PIGA: variants seen among roughly 807,000 people sequenced by gnomAD.
PIGA encodes phosphatidylinositol glycan anchor biosynthesis class A.
PIGA carries 3 observed loss-of-function variants against 17.1 expected under a neutral mutation model. The ratio of observed to expected loss-of-function variants is 0.18; its 90% CI spans 0.08 to 0.45. PIGA has a LOEUF of 0.45. Ranked by LOEUF, PIGA falls within the 20% of genes least tolerant of loss-of-function variation. The probability of loss-of-function intolerance (pLI) is 0.99; values close to 1 mark genes in which losing one functional copy is unlikely to be tolerated. For missense variants in PIGA, 231 were observed against 374.1 expected, an observed-to-expected ratio of 0.62 and a Z score of 3.16; for synonymous variants, 126 against 135.1, an observed-to-expected ratio of 0.93 and a Z score of 0.47.
chrX:15,324,909 C>A (rs757157320), intron 4 of PIGA, 38 bp from the exon 5 acceptor site: 14 of 1,155,409 alleles, frequency 1.2e-5, no homozygotes, highest in Non-Finnish European at 1.6e-5. Flanking sequence ...CCACCATAAT[C>A]ATACCTCAGG....
intron 2 of PIGA, among the ~76,000 whole-genome samples, chrX:15,329,213 T>C (rs1033302076): frequency 8.9e-6 from 1 of 112,454 alleles, no homozygotes; most frequent in Non-Finnish European, 1.9e-5. Flanking sequence ...TTGATGTCAG[T>C]TGTACTTGTT....
chrX:15,334,826 G>T (rs184415629), intron 1 of PIGA, among the ~76,000 whole-genome samples: 1 of 112,192 alleles, frequency 8.9e-6, no homozygotes, highest in Non-Finnish European at 1.9e-5. Flanking sequence ...CTGCACAATC[G>T]CAGAATCTTA....
chrX:15,325,068 A>G lies in PIGA; in HGVS notation c.933T>C (p.Thr311=), dbSNP rs1165291275. ...CCACGATCGCCATGCAGAATGCTTC[A>G]GTAAGGGAGGTATTCAGAAAAATAT... ...QGHIFLNTSL[T]EAFCMAIVEA... The change falls in exon 4 of 6, where the codon ACT becomes ACC. Residue 311 remains threonine (T), a synonymous_variant. Coordinates refer to ENST00000333590, the MANE Select transcript of PIGA (RefSeq NM_002641.4). 8 of 1,208,335 alleles carry G rather than the reference A, an allele frequency of 6.6e-6. No homozygotes were observed. Among genetic ancestry groups the G allele is most frequent in the Non-Finnish European group, 9.0e-6 (8 of 893,826 alleles).
At chrX:15,323,884 T>C (rs1223356541) in intron 5 of PIGA, among the ~76,000 whole-genome samples, 1 of 112,007 alleles carries the variant, frequency 8.9e-6, no homozygotes, top group Non-Finnish European at 1.9e-5. Context: ...TCACAATTTC[T>C]ACATACTAAG....
intron 5 of PIGA, 59 bp from the exon 6 acceptor site, chrX:15,321,831 T>A (rs759100730): frequency 9.7e-7 from 1 of 1,025,947 alleles, no homozygotes; most frequent in Non-Finnish European, 1.3e-6. Flanking sequence ...ACCTGTCCCA[T>A]GATAAACAAT....
intron 3 of PIGA, 196 bp downstream of exon 3, chrX:15,325,718 G>A: frequency 3.5e-6 from 1 of 289,293 alleles, no homozygotes. Context: ...TTGGGCTAAT[G>A]GAAAAAATAG....
chrX:15,335,133 G>A (rs1032361875), intron 1 of PIGA, among the ~76,000 whole-genome samples: 1 of 112,283 alleles, frequency 8.9e-6, no homozygotes, highest in Non-Finnish European at 1.9e-5. Flanking sequence ...CTGAGAGGTC[G>A]CTGGGGAAAC....
intron 3 of PIGA, 153 bp from the exon 4 acceptor site, chrX:15,325,305 C>A (rs1921938443): frequency 4.7e-6 from 2 of 428,898 alleles, no homozygotes; most frequent in Admixed American, 1.1e-4. Context: ...AAACACTGAT[C>A]TAATAGAAAC....
intron 2 of PIGA, chrX:15,328,815 G>C (rs1361471550): frequency 2.7e-5 from 3 of 111,737 alleles, no homozygotes; most frequent in Non-Finnish European, 5.6e-5. Flanking sequence ...GCTGATCCTT[G>C]ATCACACTTG....
chrX:15,325,654 T>C (rs2061763141), intron 3 of PIGA: 1 of 217,849 alleles, frequency 4.6e-6, no homozygotes, highest in Admixed American at 7.0e-5. Flanking sequence ...AAAGCAGCTG[T>C]TTTTTGTGCC....
intron 5 of PIGA, among the ~76,000 whole-genome samples, chrX:15,322,096 C>A (rs952064364): frequency 9.0e-6 from 1 of 111,473 alleles, no homozygotes; most frequent in Non-Finnish European, 1.9e-5. Context: ...TCCAAAGTCC[C>A]GCAAAGTCTG....
chrX:15,331,748 A>G lies in PIGA; in HGVS notation c.183T>C (p.Ile61=). ...CAATTATAACCTTATGCCCTCTTTC[A>G]ATCAGGCACTGAGAGAGCTGGTAAA... The part of the protein sequence containing the change: ...SHIYQLSQCL[I]ERGHKVIIVT... Residue 61 remains isoleucine (I), a synonymous_variant, in exon 2 of 6, where the codon ATT becomes ATC. Coordinates refer to ENST00000333590, the MANE Select transcript of PIGA (RefSeq NM_002641.4). 1 of 1,212,190 alleles carries G rather than the reference A, an allele frequency of 8.2e-7. No individual in the cohort carries two copies. Among genetic ancestry groups the G allele is most frequent in the Non-Finnish European group, 1.1e-6 (1 of 895,584 alleles).
At chrX:15,328,806 C>T (rs1295620961) in intron 2 of PIGA, 2 of 111,897 alleles carry the variant, frequency 1.8e-5, no homozygotes, top group Admixed American at 9.5e-5. Context: ...GTTAATTTTG[C>T]TGATCCTTGA....
intron 1 of PIGA, 68 bp downstream of exon 1, chrX:15,335,433 G>C: frequency 2.1e-6 from 2 of 949,620 alleles, no homozygotes; most frequent in Non-Finnish European, 2.7e-6. Context: ...ACGATCCCAC[G>C]CGCGCAGAAC....
In PIGA at chrX:15,321,279, G is replaced by A. The variant is rs1921801100; in HGVS notation, c.*227C>T. The A allele has an allele frequency of 9.1e-6, 3 of 329,530 alleles. No individual in the cohort carries two copies. The Admixed American group carries it at 1.6e-4, about 17-fold the overall frequency. The allele number at this position is 329,530 out of a possible 1,213,427, so 27.2% of individuals were successfully genotyped here. A position where few individuals can be genotyped will look rare whatever the true frequency, so the allele number is the denominator to read the frequency against. On this transcript the variant is annotated 3_prime_UTR_variant, in exon 6 of 6. Transcript: ENST00000333590. ...AGTCTGAAAAATTGCATACCTGAGT[G>A]GCTTAAATGTTCTCTCCTAAATTTT...
Position 15,325,985 on chromosome X carries a change from G to A in PIGA, c.777C>T (p.Phe259=). The A allele has an allele frequency of 8.5e-7, 1 of 1,181,521 alleles. No individual in the cohort carries two copies. Among genetic ancestry groups the A allele is most frequent in the Non-Finnish European group, 1.1e-6 (1 of 870,454 alleles). ...TCTTTGGTCCCTCTCCTCCAATTAT[G>A]AAATTTAAATCTGGATATTTCTGAC... The part of the protein sequence containing the change: ...ELCQKYPDLN[F]IIGGEGPKRI... The change falls in exon 3 of 6, where the codon TTC becomes TTT. Residue 259 remains phenylalanine, a synonymous_variant. Transcript: ENST00000333590.
intron 5 of PIGA, among the ~76,000 whole-genome samples, chrX:15,322,393 G>A (rs1442983338): frequency 1.8e-5 from 2 of 111,975 alleles, no homozygotes; most frequent in African/African-American, 6.5e-5. Context: ...TAAAGAGATG[G>A]GGGAAATTTC....
chrX:15,324,897 C>T (rs1473880655), intron 4 of PIGA, 26 bp from the exon 5 acceptor site: 13 of 1,161,015 alleles, frequency 1.1e-5, no homozygotes, highest in Non-Finnish European at 1.5e-5. Flanking sequence ...AGAACACATA[C>T]TCCACCATAA....
intron 5 of PIGA, among the ~76,000 whole-genome samples, chrX:15,323,251 T>C (rs915690156): frequency 8.9e-6 from 1 of 111,763 alleles, no homozygotes; most frequent in Non-Finnish European, 1.9e-5. Flanking sequence ...GTTTATACGA[T>C]GTCAATGAAG....
Sources: gnomAD v4.1 joint callset for allele counts (sites outside exome capture counted in the v4.1 genomes callset) on GRCh38, gnomAD v4.1.1 for gene constraint, MANE v1.5 for transcripts, NCBI Gene and HGNC (gene_info 2026-07-23, HGNC 2026-07-21) for gene names.